PRSS55: variants seen among roughly 807,000 people sequenced by gnomAD.
The protein encoded by PRSS55 is probable serine protease UNQ9391/PRO34284.
Under a neutral mutation model 23.6 loss-of-function variants are expected in PRSS55, and 41 were observed. The ratio of observed to expected loss-of-function variants is 1.74; its 90% CI spans 1.35 to 2.26. The LOEUF (loss-of-function observed/expected upper bound fraction) is 2.26. Ranked by LOEUF, PRSS55 falls within the 30% of genes most tolerant of loss-of-function variation. The pLI, the probability that PRSS55 is intolerant of heterozygous loss-of-function variation, is 0.00. For synonymous variants in PRSS55, 262 were observed against 175.5 expected (o/e 1.49, Z -3.90); for missense variants, 669 against 439.1 (o/e 1.52, Z -4.68).
At chr8:10,525,776 C>G (rs750443967) in intron 1 of PRSS55, 37 bp downstream of exon 1, 2 of 1,548,320 alleles carry the variant, frequency 1.3e-6, no homozygotes, top group Non-Finnish European at 1.7e-6. Flanking sequence ...GATGGGGGCT[C>G]ATGGTCCAGC....
At chr8:10,541,692 A>G (rs893842743), downstream of PRSS55, 1 of 152,212 alleles carries the variant, frequency 6.6e-6, no homozygotes, top group African/African-American at 2.4e-5. Flanking sequence ...AACCTGACTA[A>G]TATGGGGGAA....
chr8:10,546,721 T>C (rs1219214965), intron 4 of PRSS55, among the ~76,000 whole-genome samples: 2 of 150,454 alleles, frequency 1.3e-5, no homozygotes, highest in Non-Finnish European at 2.9e-5. Flanking sequence ...TCTCACTCTG[T>C]TGCTCAGGCA....
chr8:10,529,753 AC>A, intron 2 of PRSS55, 54 bp downstream of exon 2: 1 of 1,527,066 alleles, frequency 6.5e-7, no homozygotes, highest in Non-Finnish European at 9.0e-7. Context: ...CCCCTGGGGC[AC>A]CCTCCCCCTC....
downstream of PRSS55, among the ~76,000 whole-genome samples, chr8:10,542,407 C>A: frequency 1.0e-5 from 1 of 97,212 alleles, no homozygotes; most frequent in African/African-American, 4.5e-5. Flanking sequence ...GGCCTAGAAG[C>A]ACCATGCGGG....
In PRSS55 at chr8:10,525,667, G is replaced by A. The variant is rs1391537697; in HGVS notation, c.82G>A (p.Gly28Arg). The change falls in exon 1 of 5, where the codon GGA (glycine) becomes AGA (arginine). Residue 28 changes from glycine (G) to arginine (R), a missense_variant. Coordinates refer to ENST00000328655, the MANE Select transcript of PRSS55 (RefSeq NM_198464.4). Reference sequence around the variant, plus strand: ...TCCACGGACTCCTCTCCCAGAGGCTGGAGTGGCTATCCTAGGCAGGGCTAG... The same window carrying A: ...TCCACGGACTCCTCTCCCAGAGGCTAGAGTGGCTATCCTAGGCAGGGCTAG... ...LGPRTPLPEA[G>R]VAILGRARGA... is the part of the protein sequence containing the mutation. 15 of 1,614,040 alleles carry A rather than the reference G, an allele frequency of 9.3e-6. No individual in the cohort carries two copies. Among genetic ancestry groups the A allele is most frequent in the Admixed American group, 1.7e-5 (1 of 60,002 alleles).
chr8:10,552,007 C>A lies in PRSS55; in HGVS notation c.742-1936C>A, dbSNP rs62492833. 2.6e-5 allele frequency among the ~76,000 whole-genome samples: 4 copies of A among 152,274 alleles called. No homozygotes were observed. The South Asian group carries it at 8.3e-4, about 32-fold the overall frequency. ...CAGAGCAGCCGGGTGTGGAGATGCA[C>A]GGCAGAACGTGCCGGAAGTTACTGG... On this transcript the variant is annotated intron_variant, in intron 4 of 4. Transcript: ENST00000522210.
At chr8:10,531,639 T>A (rs753584197) in intron 3 of PRSS55, 94 bp downstream of exon 3, 1 of 1,523,426 alleles carries the variant, frequency 6.6e-7, no homozygotes, top group Non-Finnish European at 8.8e-7. Context: ...AAGACTTGCA[T>A]TGGAGCAGAT....
chr8:10,541,117 G>T (rs1376007671), downstream of PRSS55: 1 of 152,316 alleles, frequency 6.6e-6, no homozygotes, highest in Non-Finnish European at 1.5e-5. Flanking sequence ...ACAAGAGCAA[G>T]ACCAAGACTT....
rs528382633 is a variant in PRSS55 at position 10,545,411 on chromosome 8, A to T, written c.742-8532A>T. 7.9e-5 allele frequency among the ~76,000 whole-genome samples: 12 copies of T among 152,314 alleles called. No individual in the cohort carries two copies. In the East Asian group the frequency reaches 2.1e-3, roughly 27 times the overall value. ...GGTCTCACCATGTTGCCCAGGCTGC[A>T]AACTTTATTATTACAGTCAACCACA... On this transcript the variant is annotated intron_variant, in intron 4 of 4. Transcript: ENST00000522210.
At chr8:10,526,745 A>G (rs2117002851) in intron 1 of PRSS55, among the ~76,000 whole-genome samples, 1 of 152,306 alleles carries the variant, frequency 6.6e-6, no homozygotes, top group South Asian at 2.1e-4. Context: ...CATTCTGGAG[A>G]GTTGACTTTG....
intron 1 of PRSS55, 59 bp from the exon 2 acceptor site, chr8:10,529,448 A>T: frequency 6.4e-7 from 1 of 1,553,460 alleles, no homozygotes; most frequent in Non-Finnish European, 8.9e-7. Flanking sequence ...TCCCCAGCTC[A>T]CACTGGATGC....
At chr8:10,528,765 G>C (rs531703638) in intron 1 of PRSS55, among the ~76,000 whole-genome samples, 3 of 152,362 alleles carry the variant, frequency 2.0e-5, no homozygotes, top group East Asian at 1.9e-4. Flanking sequence ...CAGAGCTCCA[G>C]CAAAGGCCTT....
At chr8:10,544,894 A>T in intron 4 of PRSS55, 2 of 505,488 alleles carry the variant, frequency 4.0e-6, no homozygotes, top group South Asian at 8.5e-5. Flanking sequence ...ACATTATTTA[A>T]CTTTATGTCT....
At chr8:10,550,709 AC>A (rs1812933297) in intron 4 of PRSS55, among the ~76,000 whole-genome samples, 1 of 151,996 alleles carries the variant, frequency 6.6e-6, no homozygotes, top group Non-Finnish European at 1.5e-5. Context: ...GCGATGTGTT[AC>A]CTTGGTTTTT....
At chr8:10,530,010 C>G (rs959362674) in intron 2 of PRSS55, among the ~76,000 whole-genome samples, 3 of 152,190 alleles carry the variant, frequency 2.0e-5, no homozygotes, top group Non-Finnish European at 4.4e-5. Flanking sequence ...CTAGGGCATT[C>G]AAGTCCATCT....
intron 4 of PRSS55, among the ~76,000 whole-genome samples, chr8:10,548,843 A>G (rs1259468376): frequency 6.6e-6 from 1 of 152,054 alleles, no homozygotes; most frequent in African/African-American, 2.4e-5. Context: ...CCCGTGTGTC[A>G]GGCACTGTGC....
intron 4 of PRSS55, among the ~76,000 whole-genome samples, chr8:10,551,732 G>A (rs1309869441): frequency 6.6e-6 from 1 of 152,162 alleles, no homozygotes; most frequent in Non-Finnish European, 1.5e-5. Flanking sequence ...CTTGGTGATG[G>A]GGAGAAGCTC....
At chr8:10,537,844 G>C (rs571527037) in intron 4 of PRSS55, among the ~76,000 whole-genome samples, 20 of 152,290 alleles carry the variant, frequency 1.3e-4, no homozygotes, top group South Asian at 1.2e-3. Flanking sequence ...CATTTGCCTT[G>C]TGTGAAGGTG....
At chr8:10,545,304 C>G (rs889760392) in intron 4 of PRSS55, 1 of 151,530 alleles carries the variant, frequency 6.6e-6, no homozygotes, top group Non-Finnish European at 1.5e-5. Context: ...CTCAAGTGAT[C>G]CTACTGTCTC....
Sources: allele counts gnomAD v4.1 joint callset (sites outside exome capture counted in the v4.1 genomes callset), GRCh38; gene constraint gnomAD v4.1.1; transcripts MANE v1.5; gene names NCBI Gene and HGNC (gene_info 2026-07-23, HGNC 2026-07-21).